The following SORCS3 variants were observed in gnomAD, a reference collection of about 807,000 sequenced individuals.
SORCS3 encodes the protein VPS10 domain-containing receptor SorCS3.
A neutral mutation model predicts 146.3 loss-of-function variants in SORCS3; 57 were observed. The ratio of observed to expected loss-of-function variants is 0.39; its 90% CI spans 0.31 to 0.49. SORCS3 has a LOEUF of 0.49. Ranked by LOEUF, SORCS3 falls within the 20% of genes least tolerant of loss-of-function variation. The pLI, the probability that SORCS3 is intolerant of heterozygous loss-of-function variation, is 0.92. For synonymous variants in SORCS3, 653 were observed against 618.5 expected (o/e 1.06, Z -0.83); for missense variants, 1,341 against 1,575.5 (o/e 0.85, Z 2.52).
chr10:105,218,016 A>T (rs1418657407), intron 19 of SORCS3, among the ~76,000 whole-genome samples: 2 of 152,202 alleles, frequency 1.3e-5, no homozygotes, highest in East Asian at 3.9e-4. Flanking sequence ...AGTCTAAGTG[A>T]AAACAAGGAG....
intron 4 of SORCS3, among the ~76,000 whole-genome samples, chr10:105,022,573 G>A (rs942703357): frequency 2.0e-5 from 3 of 151,956 alleles, no homozygotes; most frequent in Non-Finnish European, 2.9e-5. Flanking sequence ...AGCCTAAAAT[G>A]TCTCCAAAAA....
At chr10:104,948,765 A>G (rs1686216996) in intron 3 of SORCS3, among the ~76,000 whole-genome samples, 1 of 152,202 alleles carries the variant, frequency 6.6e-6, no homozygotes, top group African/African-American at 2.4e-5. Flanking sequence ...CAAACAGGTC[A>G]GATTACTCCA....
At chr10:104,776,885 A>G (rs1048785273) in intron 1 of SORCS3, among the ~76,000 whole-genome samples, 1 of 152,016 alleles carries the variant, frequency 6.6e-6, no homozygotes, top group Non-Finnish European at 1.5e-5. Flanking sequence ...GAAAAAAAAA[A>G]AAAAACCTCA....
chr10:104,893,431 G>A lies in SORCS3; in HGVS notation c.696-22402G>A, dbSNP rs528265344. Among the ~76,000 whole-genome samples, 12 of 152,290 alleles carry A rather than the reference G, an allele frequency of 7.9e-5. No individual in the cohort carries two copies. The South Asian group carries it at 2.5e-3, about 32-fold the overall frequency. On this transcript the variant is annotated intron_variant, in intron 2 of 26. Coordinates refer to ENST00000369701, the MANE Select transcript of SORCS3 (RefSeq NM_014978.3). ...GCCTCTTCTGTCCACTCCCCACACT[G>A]TCTGCCTTGTCAGCTTTGGTAATCA...
intron 1 of SORCS3, among the ~76,000 whole-genome samples, chr10:104,717,077 C>T (rs1450319760): frequency 6.6e-6 from 1 of 152,084 alleles, no homozygotes; most frequent in Non-Finnish European, 1.5e-5. Context: ...TATCTTGAGA[C>T]CAGGATTTCA....
chr10:104,955,881 GTTC>G (rs1371841416), intron 3 of SORCS3, among the ~76,000 whole-genome samples: 2 of 152,086 alleles, frequency 1.3e-5, no homozygotes, highest in African/African-American at 2.4e-5. Context: ...AGGAGAAAAA[GTTC>G]TTCTTGCCAC....
At chr10:104,741,757 T>C (rs958742256) in intron 1 of SORCS3, among the ~76,000 whole-genome samples, 1 of 146,700 alleles carries the variant, frequency 6.8e-6, no homozygotes, top group Non-Finnish European at 1.5e-5. Context: ...TTTTTAATTT[T>C]GGTTATTTTA....
chr10:105,043,196 A>G (rs1201413099), intron 5 of SORCS3, 68 bp downstream of exon 5: 4 of 1,367,422 alleles, frequency 2.9e-6, no homozygotes, highest in Non-Finnish European at 4.2e-6. Context: ...CACTCTAGAC[A>G]GCTCTGGACA....
chr10:105,059,884 T>C (rs2055472216), intron 5 of SORCS3, among the ~76,000 whole-genome samples: 1 of 152,236 alleles, frequency 6.6e-6, no homozygotes, highest in South Asian at 2.1e-4. Context: ...AGCCTCGCAT[T>C]GAGCCCAGCC....
chr10:104,805,652 G>T (rs1046703828), intron 1 of SORCS3, among the ~76,000 whole-genome samples: 4 of 152,098 alleles, frequency 2.6e-5, no homozygotes, highest in Non-Finnish European at 4.4e-5. Flanking sequence ...TACTCTTCTT[G>T]ATGGTGGGAT....
intron 5 of SORCS3, among the ~76,000 whole-genome samples, chr10:105,047,157 C>T (rs1418061770): frequency 6.6e-6 from 1 of 151,716 alleles, no homozygotes; most frequent in African/African-American, 2.4e-5. Flanking sequence ...TTCCTTTGCA[C>T]ATCCAATGTG....
chr10:104,786,350 G>A (rs1367314251), intron 1 of SORCS3, among the ~76,000 whole-genome samples: 2 of 151,482 alleles, frequency 1.3e-5, no homozygotes, highest in South Asian at 2.1e-4. Flanking sequence ...TCAGAAGTTC[G>A]AGACCAACCT....
Position 105,012,370 on chromosome 10 carries a change from G to T in SORCS3, c.955-30685G>T, listed in dbSNP as rs550100573. On this transcript the variant is annotated intron_variant, in intron 4 of 26. Transcript: ENST00000369701. ...GAAAATCATGGTAAGGAGGAAATAT[G>T]ATTGGATTCTTTTGACATTGGATGG... Among the ~76,000 whole-genome samples the T allele has an allele frequency of 6.6e-5, 10 of 152,296 alleles. 1 individual carries two copies. Among genetic ancestry groups the T allele is most frequent in the Admixed American group, 2.0e-4 (3 of 15,294 alleles).
chr10:104,677,745 A>G lies in SORCS3; in HGVS notation c.627+35791A>G, dbSNP rs539819554. On this transcript the variant is annotated intron_variant, in intron 1 of 26. Transcript: ENST00000369701. ...TCCTGTTGTTCTGTAAGATATCCCT[A>G]TATCCCACCTATATCCCACCCCAGT... Among the ~76,000 whole-genome samples, 5 of 151,546 alleles carry G rather than the reference A, an allele frequency of 3.3e-5. No homozygotes were observed. The South Asian group carries it at 1.0e-3, about 31-fold the overall frequency.
chr10:105,106,554 T>TC (rs1441339973), intron 7 of SORCS3, among the ~76,000 whole-genome samples: 1 of 152,168 alleles, frequency 6.6e-6, no homozygotes, highest in African/African-American at 2.4e-5. Flanking sequence ...AGTTGACCCC[T>TC]CTCCCTTGGC....
At chr10:105,235,157 G>A (rs559441958) in intron 20 of SORCS3, among the ~76,000 whole-genome samples, 4 of 152,012 alleles carry the variant, frequency 2.6e-5, no homozygotes, top group African/African-American at 9.7e-5. Flanking sequence ...GGATAAAGTG[G>A]GCTGGTGTTG....
At chr10:104,902,688 G>A (rs549576146) in intron 2 of SORCS3, among the ~76,000 whole-genome samples, 45 of 152,218 alleles carry the variant, frequency 3.0e-4, no homozygotes, top group Admixed American at 5.2e-4. Flanking sequence ...TGGTAAGACA[G>A]TTGTAGGAAG....
intron 2 of SORCS3, among the ~76,000 whole-genome samples, chr10:104,873,791 T>G (rs1413196607): frequency 1.1e-4 from 16 of 152,164 alleles, no homozygotes; most frequent in Non-Finnish European, 1.2e-4. Context: ...AGCTAACAGA[T>G]TGTCATAAAG....
intron 1 of SORCS3, among the ~76,000 whole-genome samples, chr10:104,704,924 G>A (rs2016318754): frequency 6.6e-6 from 1 of 152,102 alleles, no homozygotes; most frequent in Admixed American, 6.5e-5. Flanking sequence ...AGTGTACACA[G>A]GTGCCCTTTC....
Sources: gnomAD v4.1 joint callset for allele counts (sites outside exome capture counted in the v4.1 genomes callset) on GRCh38, gnomAD v4.1.1 for gene constraint, MANE v1.5 for transcripts, NCBI Gene and HGNC (gene_info 2026-07-23, HGNC 2026-07-21) for gene names.